ZC3H15: variants seen among roughly 807,000 people sequenced by gnomAD.
ZC3H15 encodes zinc finger CCCH-type containing 15, also known as zinc finger CCCH domain-containing protein 15.
A neutral mutation model predicts 51.2 loss-of-function variants in ZC3H15; 15 were observed. That is an observed-to-expected ratio of 0.29 (90% CI 0.20 to 0.45). The LOEUF (loss-of-function observed/expected upper bound fraction) is 0.45, where lower values mean the gene tolerates loss of function less well. Among genes scored for constraint, ZC3H15 ranks in the 20% least tolerant of loss-of-function variants. The pLI, the probability that ZC3H15 is intolerant of heterozygous loss-of-function variation, is 1.00. For synonymous variants in ZC3H15, 144 were observed against 162.8 expected (o/e 0.88, Z 0.88); for missense variants, 381 against 494.7 (o/e 0.77, Z 2.18).
intron 1 of ZC3H15, among the ~76,000 whole-genome samples, chr2:186,490,640 A>G (rs989027394): frequency 6.6e-6 from 1 of 152,180 alleles, no homozygotes; most frequent in Non-Finnish European, 1.5e-5. Context: ...AGACTCCATT[A>G]TCTTGGAGCA....
intron 1 of ZC3H15, chr2:186,487,180 GTA>G (rs1414117728): frequency 6.6e-6 from 1 of 152,130 alleles, no homozygotes; most frequent in African/African-American, 2.4e-5. Flanking sequence ...GTGTATATGT[GTA>G]TATATGTGTG....
chr2:186,504,120 G>A lies in ZC3H15; in HGVS notation c.623G>A (p.Arg208His), dbSNP rs368067879. The A allele has an allele frequency of 2.5e-6, 4 of 1,609,644 alleles. No individual in the cohort carries two copies. The highest frequency in any genetic ancestry group is 2.2e-5 in the East Asian group (1 of 44,676). Residue 208 changes from arginine (R) to histidine (H), a missense_variant, in exon 6 of 10, where the codon CGT (arginine) becomes CAT (histidine). Physicochemically the swap from Arg to His is conservative, Grantham distance 29. Coordinates refer to ENST00000337859, the MANE Select transcript of ZC3H15 (RefSeq NM_018471.3). ...CPGGGDICMYRHALPPGFVLK... is the reference protein window; with the variant it reads ...CPGGGDICMYHHALPPGFVLK... The stretch of plus-strand genomic sequence containing the variant: ...GGAGGGGGTGATATTTGCATGTATC[G>A]TCATGCACTTCCTCCTGGATTTGTG...
In ZC3H15 at chr2:186,509,083, A is replaced by G. The variant is rs772571531; in HGVS notation, c.*350A>G. The G allele has an allele frequency of 2.1e-6, 1 of 465,670 alleles. No individual in the cohort carries two copies. The highest frequency in any genetic ancestry group is 1.6e-5 in the South Asian group (1 of 64,364). The allele number at this position is 465,670 out of a possible 1,614,324, so 28.8% of individuals were successfully genotyped here. A position where few individuals can be genotyped will look rare whatever the true frequency, so the allele number is the denominator to read the frequency against. ...GAAACAACAAACTTATATTTAAAAT[A>G]CCCTTCATTTGACACAGTTTTTAAT... On this transcript the variant is annotated 3_prime_UTR_variant, in exon 10 of 10. Transcript: ENST00000337859.
At position 186,505,707 on chromosome 2, in the gene ZC3H15, G is replaced by A. The variant is rs776321568; in HGVS notation, c.865-33G>A. Reference sequence around the variant, plus strand: ...AGTGACAAGGAATGTTTAGATTTTTGTCCTGAGTTGATATATTTGTGTGTC... The same window carrying A: ...AGTGACAAGGAATGTTTAGATTTTTATCCTGAGTTGATATATTTGTGTGTC... On this transcript the variant is annotated intron_variant, in intron 7 of 9. Coordinates refer to ENST00000337859, the MANE Select transcript of ZC3H15 (RefSeq NM_018471.3). 1.9e-6 allele frequency: 3 copies of A among 1,607,906 alleles called. No homozygotes were observed. The South Asian group carries it at 3.3e-5, about 18-fold the overall frequency.
intron 2 of ZC3H15, chr2:186,499,515 G>A: frequency 2.2e-6 from 1 of 448,734 alleles, no homozygotes; most frequent in Non-Finnish European, 4.5e-6. Context: ...AGAGCACTAT[G>A]TACTATGTTA....
In ZC3H15 at chr2:186,508,810, G is replaced by T. The variant is rs1352551281; in HGVS notation, c.*77G>T. 4 of 1,458,506 alleles carry T rather than the reference G, an allele frequency of 2.7e-6. No individual in the cohort carries two copies. The highest frequency in any genetic ancestry group is 3.8e-6 in the Non-Finnish European group (4 of 1,063,922). 90.3% of individuals were successfully genotyped at this position (1,458,506 alleles called of 1,614,324 possible). A position where few individuals can be genotyped will look rare whatever the true frequency, so the allele number is the denominator to read the frequency against. ...GACTACATTAATTTCTTTCCACCTA[G>T]AATCAACAGGATGTTTATTTCCTAT... On this transcript the variant is annotated 3_prime_UTR_variant, in exon 10 of 10. Transcript: ENST00000337859.
intron 1 of ZC3H15, among the ~76,000 whole-genome samples, chr2:186,492,837 C>T (rs1685221904): frequency 6.6e-6 from 1 of 152,092 alleles, no homozygotes; most frequent in Non-Finnish European, 1.5e-5. Flanking sequence ...TATAAAATGG[C>T]CACTTGTTTC....
At chr2:186,493,063 G>T (rs1685224518) in intron 1 of ZC3H15, among the ~76,000 whole-genome samples, 1 of 151,808 alleles carries the variant, frequency 6.6e-6, no homozygotes, top group Non-Finnish European at 1.5e-5. Context: ...TTATGTCTGA[G>T]TGCCTGTCTA....
At chr2:186,494,527 G>A (rs1685251582) in intron 1 of ZC3H15, among the ~76,000 whole-genome samples, 2 of 152,068 alleles carry the variant, frequency 1.3e-5, no homozygotes, top group Admixed American at 1.3e-4. Context: ...CCTCTGATAA[G>A]GGCTGTAAGA....
At chr2:186,504,327 G>A in intron 6 of ZC3H15, 113 bp downstream of exon 6, 3 of 940,576 alleles carry the variant, frequency 3.2e-6, no homozygotes, top group Non-Finnish European at 4.4e-6. Context: ...AAAATATTGT[G>A]ATCTATTCCC....
At chr2:186,496,272 C>G (rs2105588423) in intron 2 of ZC3H15, among the ~76,000 whole-genome samples, 1 of 152,362 alleles carries the variant, frequency 6.6e-6, no homozygotes, top group Non-Finnish European at 1.5e-5. Flanking sequence ...GGCAGGAATA[C>G]AATGGTGTGA....
chr2:186,502,075 G>A (rs576871980), intron 4 of ZC3H15, among the ~76,000 whole-genome samples: 28 of 151,954 alleles, frequency 1.8e-4, no homozygotes, highest in Non-Finnish European at 3.8e-4. Context: ...GAGGCCAGGA[G>A]CAGTGGCTCA....
chr2:186,486,532 G>GA, intron 1 of ZC3H15, 75 bp downstream of exon 1: 1 of 1,463,380 alleles, frequency 6.8e-7, no homozygotes, highest in Non-Finnish European at 9.2e-7. Flanking sequence ...GCTTCCCTGG[G>GA]AGCCGGCTCG....
At position 186,508,773 on chromosome 2, in the gene ZC3H15, C is replaced by T. The variant is rs747771603; in HGVS notation, c.*40C>T. The T allele has an allele frequency of 5.7e-6, 9 of 1,586,230 alleles. No individual in the cohort carries two copies. The highest frequency in any genetic ancestry group is 1.3e-5 in the African/African-American group (1 of 74,142). On this transcript the variant is annotated 3_prime_UTR_variant, in exon 10 of 10. Transcript: ENST00000337859. ...CTGAAAAAATTAAGTCAGCTCAGCACGAGTTGAAATTGACTACATTAATTT... is the reference window on the plus strand; with the variant it reads ...CTGAAAAAATTAAGTCAGCTCAGCATGAGTTGAAATTGACTACATTAATTT...
intron 9 of ZC3H15, chr2:186,507,460 G>C (rs1685486577): frequency 2.2e-6 from 1 of 456,662 alleles, no homozygotes; most frequent in South Asian, 1.5e-5. Flanking sequence ...CTGTAGCTCA[G>C]AGGAAGAGGA....
At chr2:186,497,515 T>C (rs898514421) in intron 2 of ZC3H15, among the ~76,000 whole-genome samples, 8 of 152,240 alleles carry the variant, frequency 5.3e-5, no homozygotes, top group African/African-American at 1.9e-4. Flanking sequence ...CCTATCTTTT[T>C]TGTTACATGA....
chr2:186,502,907 G>T (rs1488359458), intron 5 of ZC3H15, among the ~76,000 whole-genome samples: 1 of 152,150 alleles, frequency 6.6e-6, no homozygotes, highest in Non-Finnish European at 1.5e-5. Flanking sequence ...GCACAGAGTG[G>T]AAGGAGGCCT....
intron 8 of ZC3H15, among the ~76,000 whole-genome samples, chr2:186,506,432 G>GA (rs912827003): frequency 1.3e-5 from 2 of 152,156 alleles, no homozygotes; most frequent in African/African-American, 2.4e-5. Flanking sequence ...ACGAAGTTTA[G>GA]AAAAAATAAT....
Position 186,506,771 on chromosome 2 carries a change from T to C in ZC3H15, c.1025T>C (p.Val342Ala). The change falls in exon 9 of 10, where the codon GTA becomes GCA. Residue 342 changes from valine to alanine, a missense_variant. Val to Ala is a moderately conservative substitution (Grantham distance 64, BLOSUM62 0). Around this residue, in one of 3 missense-constraint regions of ZC3H15, gnomAD observed 215 missense variants for 241.8 expected, o/e 0.89. Transcript: ENST00000337859. ...TTAAGCCTGTACATCCCAAGAGATG[T>C]AGATGAAACAGGTATTACTGTAGCC... ...IDLSLYIPRDVDETGITVASL... is the reference protein window; with the variant it reads ...IDLSLYIPRDADETGITVASL... The C allele has an allele frequency of 6.2e-7, 1 of 1,613,798 alleles. No individual in the cohort carries two copies. Among genetic ancestry groups the C allele is most frequent in the African/African-American group, 1.3e-5 (1 of 75,038 alleles).
Sources: gnomAD v4.1 joint callset for allele counts (sites outside exome capture counted in the v4.1 genomes callset) on GRCh38, gnomAD v4.1.1 for gene constraint, gnomAD v4.1.1 regional missense constraint, MANE v1.5 for transcripts, NCBI Gene and HGNC (gene_info 2026-07-23, HGNC 2026-07-21) for gene names.